WWOX: variants seen among roughly 807,000 people sequenced by gnomAD.
WWOX encodes WW domain containing oxidoreductase, also known as WW domain-containing oxidoreductase.
In WWOX, 69 loss-of-function variants were observed where a neutral mutation model predicts 46.2. The observed-to-expected ratio is 1.49, with a 90% CI of 1.23 to 1.82. WWOX has a LOEUF of 1.82. WWOX is among the 40% of genes most tolerant of loss of function. The pLI is 0.00. For synonymous variants in WWOX, 359 were observed against 202.6 expected (o/e 1.77, Z -6.56); for missense variants, 919 against 542.6 (o/e 1.69, Z -6.89).
chr16:79,193,375 C>T (rs1047084252), intron 8 of WWOX, among the ~76,000 whole-genome samples: 2 of 152,192 alleles, frequency 1.3e-5, no homozygotes, highest in Non-Finnish European at 2.9e-5. Context: ...CGATGTAGGG[C>T]ATCTCCCCAA....
intron 8 of WWOX, among the ~76,000 whole-genome samples, chr16:78,585,422 G>T (rs2045172526): frequency 6.6e-6 from 1 of 152,082 alleles, no homozygotes; most frequent in South Asian, 2.1e-4. Context: ...GACTCTTACA[G>T]CCTTTGACCA....
intron 8 of WWOX, among the ~76,000 whole-genome samples, chr16:78,772,740 T>C (rs10871352): frequency 0.75 from 113,870 of 152,096 alleles, 43,513 homozygotes; most frequent in Middle Eastern, 0.89. Context: ...GTAAGTTGGC[T>C]AGGCGCGGTG....
intron 8 of WWOX, among the ~76,000 whole-genome samples, chr16:78,885,700 A>C (rs769620502): frequency 6.6e-6 from 1 of 152,192 alleles, no homozygotes; most frequent in Non-Finnish European, 1.5e-5. Flanking sequence ...GGATAACTCA[A>C]TACATTAATA....
chr16:78,674,958 C>T (rs2047556680), intron 8 of WWOX, among the ~76,000 whole-genome samples: 1 of 151,910 alleles, frequency 6.6e-6, no homozygotes, highest in Non-Finnish European at 1.5e-5. Context: ...CCCTTATTAT[C>T]CCCTCAGTGA....
rs940453353 is a variant in WWOX, at chr16:78,432,743, C to G, written c.1047C>G (p.Thr349=). The G allele has an allele frequency of 6.2e-7, 1 of 1,614,168 alleles. No homozygotes were observed. The highest frequency in any genetic ancestry group is 2.2e-5 in the East Asian group (1 of 44,866). The part of the protein sequence containing the change: ...TLLFTLARPF[T]KSMQQGAATT... ...TGTTTACCTTGGCGAGGCCTTTCAC[C>G]AAGTCCATGGTAAGAGAACAGCTTC... The change falls in exon 8 of 9, where the codon ACC becomes ACG. Residue 349 remains threonine (T), a synonymous_variant. Transcript: ENST00000566780.
intron 5 of WWOX, among the ~76,000 whole-genome samples, chr16:78,313,577 G>C (rs2080292064): frequency 6.6e-6 from 1 of 152,166 alleles, no homozygotes; most frequent in South Asian, 2.1e-4. Flanking sequence ...TGTTGGTCAG[G>C]CTGGCCTCAA....
chr16:79,148,043 C>T (rs1026353385), intron 8 of WWOX, among the ~76,000 whole-genome samples: 59 of 152,250 alleles, frequency 3.9e-4, no homozygotes, highest in Non-Finnish European at 1.6e-4. Flanking sequence ...ATCATCTTTA[C>T]ATGGACATTT....
At chr16:78,949,914 T>G (rs1448053382) in intron 8 of WWOX, among the ~76,000 whole-genome samples, 1 of 152,236 alleles carries the variant, frequency 6.6e-6, no homozygotes, top group Non-Finnish European at 1.5e-5. Context: ...ATTTATCTAC[T>G]GTTTATTGTA....
chr16:78,213,387 A>G (rs1481706115), intron 5 of WWOX, among the ~76,000 whole-genome samples: 2 of 151,738 alleles, frequency 1.3e-5, no homozygotes, highest in African/African-American at 4.8e-5. Flanking sequence ...CCACTCAGAA[A>G]TCTTGCTTCT....
intron 8 of WWOX, among the ~76,000 whole-genome samples, chr16:79,032,858 C>A (rs1228559397): frequency 6.6e-6 from 1 of 151,356 alleles, no homozygotes. Context: ...CAGATGATTT[C>A]ATCACCCAGG....
chr16:78,546,421 G>A (rs185285499), intron 8 of WWOX, among the ~76,000 whole-genome samples: 10 of 152,308 alleles, frequency 6.6e-5, no homozygotes, highest in Middle Eastern at 3.4e-3. Flanking sequence ...TAACTAGAAA[G>A]TGAGGGCAAG....
chr16:78,911,023 ATTAAAAAAT>A (rs981485231), intron 8 of WWOX, among the ~76,000 whole-genome samples: 1 of 152,062 alleles, frequency 6.6e-6, no homozygotes, highest in Non-Finnish European at 1.5e-5. Context: ...AATTAAAAAA[ATTAAAAAAT>A]GGCTTTCCCA....
intron 8 of WWOX, chr16:79,204,542 T>G (rs1201456429): frequency 6.6e-6 from 1 of 152,060 alleles, no homozygotes; most frequent in East Asian, 1.9e-4. Context: ...CTATCACAGA[T>G]CCTTTGGAAC....
intron 8 of WWOX, among the ~76,000 whole-genome samples, chr16:78,482,557 A>C (rs1054376828): frequency 2.6e-5 from 4 of 152,150 alleles, no homozygotes; most frequent in African/African-American, 9.7e-5. Flanking sequence ...ATTAACCAGT[A>C]TTTATTGAAT....
At position 78,660,686 on chromosome 16, in the gene WWOX, T is replaced by C. The variant is rs143640212; in HGVS notation, c.1056+227934T>C. On this transcript the variant is annotated intron_variant, in intron 8 of 8. Transcript: ENST00000566780. The stretch of plus-strand genomic sequence containing the variant: ...AAACGTTTCAGACCTTTCAGTAAGA[T>C]AGTAAAATTTCTTTCATTCCCAGAC... Among the ~76,000 whole-genome samples, 4 of 152,250 alleles carry C rather than the reference T, an allele frequency of 2.6e-5. No homozygotes were observed. In the East Asian group the frequency reaches 7.7e-4, roughly 29 times the overall value.
intron 8 of WWOX, among the ~76,000 whole-genome samples, chr16:78,982,507 A>G (rs1473844664): frequency 1.3e-5 from 2 of 152,194 alleles, no homozygotes; most frequent in Non-Finnish European, 1.5e-5. Context: ...AGTGGTGTGT[A>G]TGTATCTTTA....
rs531504675 is a variant in WWOX at position 78,681,756 on chromosome 16, C to T, written c.1056+249004C>T. ...CAGTTTCCAATACTCAGCACAAAGG[C>T]GTGCGCAGTGACTCTGTGGCGTACT... On this transcript the variant is annotated intron_variant, in intron 8 of 8. Transcript: ENST00000566780. 1.4e-4 allele frequency among the ~76,000 whole-genome samples: 22 copies of T among 152,322 alleles called. No individual in the cohort carries two copies. The South Asian group carries it at 3.3e-3, about 23-fold the overall frequency.
At chr16:79,015,670 G>A (rs1010954593) in intron 8 of WWOX, among the ~76,000 whole-genome samples, 5 of 152,114 alleles carry the variant, frequency 3.3e-5, no homozygotes, top group Admixed American at 6.6e-5. Context: ...CCCTGTCTCC[G>A]TATATTTTCT....
At chr16:78,908,167 C>T (rs1410448944) in intron 8 of WWOX, among the ~76,000 whole-genome samples, 1 of 152,120 alleles carries the variant, frequency 6.6e-6, no homozygotes, top group African/African-American at 2.4e-5. Flanking sequence ...ACTTAAGAGC[C>T]AGTGTAATTG....
Sources: allele counts gnomAD v4.1 joint callset (sites outside exome capture counted in the v4.1 genomes callset), GRCh38; gene constraint gnomAD v4.1.1; transcripts MANE v1.5; gene names NCBI Gene and HGNC (gene_info 2026-07-23, HGNC 2026-07-21).